The following SH3RF2 variants were observed in gnomAD, a reference collection of about 807,000 sequenced individuals.
The protein encoded by SH3RF2 is E3 ubiquitin-protein ligase SH3RF2.
SH3RF2 carries 43 observed loss-of-function variants against 59.0 expected under a neutral mutation model. The ratio of observed to expected loss-of-function variants is 0.73; its 90% CI spans 0.57 to 0.94. The LOEUF (loss-of-function observed/expected upper bound fraction) is 0.94, where lower values mean the gene tolerates loss of function less well. Among genes scored for constraint, SH3RF2 ranks in the 40% least tolerant of loss-of-function variants. The probability of loss-of-function intolerance (pLI) is 0.00; values close to 1 mark genes in which losing one functional copy is unlikely to be tolerated. For missense variants in SH3RF2, 930 were observed against 940.1 expected (o/e 0.99, Z 0.14); for synonymous variants, 391 against 391.5 (o/e 1.00, Z 0.01).
chr5:146,054,640 C>T (rs138574560), intron 7 of SH3RF2, among the ~76,000 whole-genome samples: 120 of 152,352 alleles, frequency 7.9e-4, no homozygotes, highest in African/African-American at 2.7e-3. Flanking sequence ...ACCATCAGTT[C>T]CTAGAGCACT....
intron 2 of SH3RF2, among the ~76,000 whole-genome samples, chr5:145,968,705 T>G (rs1169000614): frequency 6.6e-6 from 1 of 152,232 alleles, no homozygotes; most frequent in Non-Finnish European, 1.5e-5. Flanking sequence ...ATTTTACATT[T>G]TTTATAGTAA....
intron 6 of SH3RF2, 51 bp downstream of exon 6, chr5:146,047,914 C>T (rs1762366897): frequency 6.5e-7 from 1 of 1,539,478 alleles, no homozygotes; most frequent in Non-Finnish European, 9.0e-7. Flanking sequence ...AAGGGGTCAT[C>T]TTTACCATGT....
rs370632302 is a variant in SH3RF2, at chr5:146,013,786, G to A, written c.784G>A (p.Gly262Ser). The A allele has an allele frequency of 1.2e-6, 2 of 1,614,090 alleles. No individual in the cohort carries two copies. The highest frequency in any genetic ancestry group is 1.7e-6 in the Non-Finnish European group (2 of 1,180,004). ...TARHLLEKNK[G>S]RQSSRTKNLS... Reference sequence around the variant, plus strand: ...AAGACACCTTTTAGAGAAGAACAAAGGTCGCCAGTCATCCCGCACAAAAAA... The same window carrying A: ...AAGACACCTTTTAGAGAAGAACAAAAGTCGCCAGTCATCCCGCACAAAAAA... Residue 262 changes from glycine to serine, a missense_variant, in exon 5 of 10, where the codon GGT (glycine) becomes AGT (serine). Coordinates refer to ENST00000359120, the MANE Select transcript of SH3RF2 (RefSeq NM_152550.4).
intron 5 of SH3RF2, among the ~76,000 whole-genome samples, chr5:146,019,152 T>C (rs1761217337): frequency 6.6e-6 from 1 of 152,294 alleles, no homozygotes; most frequent in African/African-American, 2.4e-5. Context: ...TTGTTGCATT[T>C]GCTTTTGTGG....
intron 2 of SH3RF2, among the ~76,000 whole-genome samples, chr5:145,980,007 G>A (rs928366010): frequency 6.6e-6 from 1 of 152,208 alleles, no homozygotes; most frequent in Non-Finnish European, 1.5e-5. Context: ...CCAATGCTCA[G>A]CACGGGGCAA....
At chr5:145,972,786 G>T (rs1276607289) in intron 2 of SH3RF2, among the ~76,000 whole-genome samples, 1 of 152,138 alleles carries the variant, frequency 6.6e-6, no homozygotes, top group African/African-American at 2.4e-5. Context: ...TGGCTTATTT[G>T]GTAAAAGGAC....
At chr5:146,049,376 A>C (rs1486257952) in intron 7 of SH3RF2, 131 bp downstream of exon 7, 3 of 999,482 alleles carry the variant, frequency 3.0e-6, no homozygotes, top group Admixed American at 2.7e-5. Context: ...TTGCTCTATA[A>C]CCCGCCTATC....
intron 5 of SH3RF2, among the ~76,000 whole-genome samples, chr5:146,014,435 C>T (rs925585658): frequency 6.6e-6 from 1 of 152,124 alleles, no homozygotes; most frequent in African/African-American, 2.4e-5. Context: ...AGTGTTTTGG[C>T]ATCACAATCT....
chr5:145,945,277 T>C (rs2149941754), intron 2 of SH3RF2, among the ~76,000 whole-genome samples: 1 of 152,304 alleles, frequency 6.6e-6, no homozygotes, highest in South Asian at 2.1e-4. Flanking sequence ...TTATGTAAAA[T>C]TGTAGAAAAG....
At chr5:146,066,510 G>A (rs1763109462), downstream of SH3RF2, among the ~76,000 whole-genome samples, 1 of 152,184 alleles carries the variant, frequency 6.6e-6, no homozygotes, top group Non-Finnish European at 1.5e-5. Flanking sequence ...TAAGCAAGCA[G>A]GCTGTTGAAA....
chr5:145,939,039 A>G lies in SH3RF2; in HGVS notation c.378+733A>G, dbSNP rs1561700074. ...GCCTCACAGGAGATTAATGCTTTTC[A>G]TGTTTGGATAATGGGAATCGCTCTG... On this transcript the variant is annotated intron_variant, in intron 2 of 9. Transcript: ENST00000359120. 2.6e-5 allele frequency among the ~76,000 whole-genome samples: 4 copies of G among 152,366 alleles called. No individual in the cohort carries two copies. In the South Asian group the frequency reaches 6.2e-4, roughly 24 times the overall value.
intron 2 of SH3RF2, 148 bp downstream of exon 2, chr5:145,938,454 T>A: frequency 1.0e-6 from 1 of 974,482 alleles, no homozygotes; most frequent in East Asian, 2.7e-5. Context: ...GTGATCATTT[T>A]ACTCAAATAC....
intron 5 of SH3RF2, among the ~76,000 whole-genome samples, chr5:146,018,662 G>A (rs903492359): frequency 6.6e-6 from 1 of 152,034 alleles, no homozygotes; most frequent in African/African-American, 2.4e-5. Flanking sequence ...CCCAGTAGTG[G>A]GATCAAATGG....
chr5:145,969,193 C>T (rs1695066061), intron 2 of SH3RF2, among the ~76,000 whole-genome samples: 1 of 152,056 alleles, frequency 6.6e-6, no homozygotes, highest in Non-Finnish European at 1.5e-5. Flanking sequence ...GTGAGCTGCA[C>T]CCTATAGAGG....
At chr5:146,027,786 C>T (rs1761583042) in intron 5 of SH3RF2, among the ~76,000 whole-genome samples, 2 of 152,174 alleles carry the variant, frequency 1.3e-5, no homozygotes, top group African/African-American at 4.8e-5. Context: ...CTCCTTAGCG[C>T]TGCAGCCCAG....
At chr5:145,990,766 AG>A (rs1759902751) in intron 2 of SH3RF2, among the ~76,000 whole-genome samples, 2 of 152,224 alleles carry the variant, frequency 1.3e-5, no homozygotes, top group Admixed American at 1.3e-4. Context: ...GGTATACACA[AG>A]GAAAAAGAGT....
chr5:145,944,122 G>T (rs554841822), intron 2 of SH3RF2, among the ~76,000 whole-genome samples: 4 of 152,228 alleles, frequency 2.6e-5, no homozygotes, highest in African/African-American at 9.6e-5. Flanking sequence ...CATCCAAAAT[G>T]CTCCAAAATC....
intron 2 of SH3RF2, among the ~76,000 whole-genome samples, chr5:145,939,084 C>T (rs762851447): frequency 2.6e-5 from 4 of 152,152 alleles, no homozygotes; most frequent in Non-Finnish European, 5.9e-5. Flanking sequence ...GAAAGCACAC[C>T]CCGAGGACTT....
intron 2 of SH3RF2, among the ~76,000 whole-genome samples, chr5:145,965,952 G>C (rs1758840998): frequency 6.6e-6 from 1 of 152,214 alleles, no homozygotes. Flanking sequence ...GGATGAGTCT[G>C]AACGAGCCAA....
Sources: gnomAD v4.1 joint callset for allele counts (sites outside exome capture counted in the v4.1 genomes callset) on GRCh38, gnomAD v4.1.1 for gene constraint, MANE v1.5 for transcripts, NCBI Gene and HGNC (gene_info 2026-07-23, HGNC 2026-07-21) for gene names.